RTKN2: variants seen among roughly 807,000 people sequenced by gnomAD.
RTKN2 encodes the protein rhotekin 2.
Under a neutral mutation model 71.5 loss-of-function variants are expected in RTKN2, and 69 were observed. The observed-to-expected ratio is 0.96, with a 90% CI of 0.79 to 1.18. The LOEUF (loss-of-function observed/expected upper bound fraction) is 1.18. RTKN2 is among the 50% of genes most tolerant of loss of function. The pLI is 0.00. For synonymous variants in RTKN2, 236 were observed against 236.5 expected (o/e 1.00, Z 0.02); for missense variants, 724 against 719.7 (o/e 1.01, Z -0.07).
Position 62,196,403 on chromosome 10 carries a change from T to A in RTKN2, c.*1505A>T, listed in dbSNP as rs1021529852. ...ACCAGTCACAAGAAACCTTTTGTTA[T>A]CATTACTCCCTCAAGATTCAATTCT... On this transcript the variant is annotated 3_prime_UTR_variant, in exon 12 of 12. Coordinates refer to ENST00000373789, the MANE Select transcript of RTKN2 (RefSeq NM_145307.4). 3 of 985,226 alleles carry A rather than the reference T, an allele frequency of 3.0e-6. No individual in the cohort carries two copies. The African/African-American group carries it at 5.2e-5, about 17-fold the overall frequency. 61.0% of individuals were successfully genotyped at this position (985,226 alleles called of 1,614,324 possible). A position where few individuals can be genotyped will look rare whatever the true frequency, so the allele number is the denominator to read the frequency against.
At chr10:62,262,175 G>T (rs1346206252) in intron 2 of RTKN2, among the ~76,000 whole-genome samples, 2 of 152,182 alleles carry the variant, frequency 1.3e-5, no homozygotes, top group African/African-American at 2.4e-5. Context: ...CATATCAAGA[G>T]ATGGGCTAGC....
At chr10:62,241,620 T>C (rs1362095405) in intron 3 of RTKN2, among the ~76,000 whole-genome samples, 1 of 152,128 alleles carries the variant, frequency 6.6e-6, no homozygotes, top group African/African-American at 2.4e-5. Flanking sequence ...GCTCTGTTGC[T>C]CAGGCTGGAG....
At position 62,239,674 on chromosome 10, in the gene RTKN2, A is replaced by G; in HGVS notation, c.462T>C (p.Asp154=). Residue 154 remains aspartate (D), a synonymous_variant, in exon 5 of 12, where the codon GAT becomes GAC. Coordinates refer to ENST00000373789, the MANE Select transcript of RTKN2 (RefSeq NM_145307.4). ...ATATGGTTACATTTTCAAAACATAT[A>G]TCTGTGATTGTTTTATCCACATTCA... is the stretch of plus-strand genomic sequence containing the variant. The part of the protein sequence containing the change: ...DVVNVDKTIT[D]ICFENVTIFN... 2.0e-6 allele frequency: 3 copies of G among 1,519,160 alleles called. No individual in the cohort carries two copies. The highest frequency in any genetic ancestry group is 2.7e-6 in the Non-Finnish European group (3 of 1,110,058). The allele number at this position is 1,519,160 out of a possible 1,614,324, so 94.1% of individuals were successfully genotyped here. A position where few individuals can be genotyped will look rare whatever the true frequency, so the allele number is the denominator to read the frequency against.
intron 6 of RTKN2, among the ~76,000 whole-genome samples, chr10:62,234,303 T>C (rs570980069): frequency 1.3e-5 from 2 of 152,096 alleles, no homozygotes; most frequent in East Asian, 1.9e-4. Flanking sequence ...GGCAAGCGGA[T>C]TGCTTGAGCC....
intron 5 of RTKN2, chr10:62,239,376 T>G: frequency 4.3e-6 from 1 of 233,822 alleles, no homozygotes; most frequent in East Asian, 1.1e-4. Context: ...ACTATATTTA[T>G]TAACAATTTA....
Position 62,196,301 on chromosome 10 carries a change from A to G in RTKN2, c.*1607T>C. The stretch of plus-strand genomic sequence containing the variant: ...AGTTTACTTTTTAAGGTTTCCATAC[A>G]TGTGATGATCTCTACATGCTATCAA... On this transcript the variant is annotated 3_prime_UTR_variant, in exon 12 of 12. Transcript: ENST00000373789. The G allele has an allele frequency of 1.0e-6, 1 of 983,912 alleles. No homozygotes were observed. Among genetic ancestry groups the G allele is most frequent in the African/African-American group, 1.7e-5 (1 of 57,318 alleles). The allele number at this position is 983,912 out of a possible 1,614,324, so 60.9% of individuals were successfully genotyped here.
At chr10:62,219,586 T>C (rs1354150969) in intron 7 of RTKN2, among the ~76,000 whole-genome samples, 1 of 152,104 alleles carries the variant, frequency 6.6e-6, no homozygotes, top group Admixed American at 6.5e-5. Flanking sequence ...AAATATGTAT[T>C]AATACATTTT....
intron 8 of RTKN2, among the ~76,000 whole-genome samples, chr10:62,185,540 C>T (rs113595153): frequency 1.1e-3 from 164 of 152,168 alleles, no homozygotes; most frequent in African/African-American, 3.8e-3. Context: ...CGCTTGAACC[C>T]GGGAGGTGGA....
intron 3 of RTKN2, among the ~76,000 whole-genome samples, chr10:62,243,495 A>G (rs921583458): frequency 6.6e-6 from 1 of 151,888 alleles, no homozygotes; most frequent in East Asian, 1.9e-4. Context: ...TTACACTATC[A>G]TGGGAGGGAC....
At chr10:62,255,525 T>C (rs1435085163) in intron 2 of RTKN2, among the ~76,000 whole-genome samples, 1 of 152,214 alleles carries the variant, frequency 6.6e-6, no homozygotes, top group Non-Finnish European at 1.5e-5. Flanking sequence ...TTGTCCTTCT[T>C]TATAGAAGAG....
chr10:62,229,174 A>G (rs188128182), intron 6 of RTKN2, among the ~76,000 whole-genome samples: 66 of 152,342 alleles, frequency 4.3e-4, no homozygotes, highest in African/African-American at 1.5e-3. Context: ...ACAAAAGAAG[A>G]GAGATGCTAG....
downstream of RTKN2, among the ~76,000 whole-genome samples, chr10:62,189,592 G>A (rs1190053144): frequency 1.3e-5 from 2 of 152,170 alleles, no homozygotes; most frequent in Non-Finnish European, 2.9e-5. Flanking sequence ...TTGGAAGGCT[G>A]AGGCGGGCAG....
intron 10 of RTKN2, 60 bp downstream of exon 10, chr10:62,204,797 T>C (rs1189755023): frequency 1.6e-6 from 2 of 1,275,456 alleles, no homozygotes; most frequent in African/African-American, 3.1e-5. Context: ...TTAAGATTGC[T>C]GTGCACATCC....
chr10:62,217,343 T>C (rs1240634188), intron 8 of RTKN2, 94 bp from the exon 9 acceptor site: 12 of 873,074 alleles, frequency 1.4e-5, no homozygotes, highest in Non-Finnish European at 2.0e-5. Context: ...AAATTAGTTA[T>C]TTAGAATTTT....
In RTKN2 at chr10:62,231,638, T is replaced by C. The variant is rs2132957956; in HGVS notation, c.686+4428A>G. ...GTTTAATCAGCTACATTTTTTTTTC[T>C]ATCAAATAGGGCAATTGTTACAACA... On this transcript the variant is annotated intron_variant, in intron 6 of 11. Coordinates refer to ENST00000373789, the MANE Select transcript of RTKN2 (RefSeq NM_145307.4). 2.0e-5 allele frequency among the ~76,000 whole-genome samples: 3 copies of C among 152,220 alleles called. 1 individual carries two copies. In the South Asian group the frequency reaches 6.2e-4, roughly 32 times the overall value.
chr10:62,242,225 CCTTA>C (rs1047468544), intron 3 of RTKN2, among the ~76,000 whole-genome samples: 12 of 151,942 alleles, frequency 7.9e-5, no homozygotes. Context: ...TTTGAAAACA[CCTTA>C]CTCTTACTTG....
chr10:62,222,304 G>T (rs1035231070), intron 7 of RTKN2, among the ~76,000 whole-genome samples: 4 of 151,682 alleles, frequency 2.6e-5, no homozygotes, highest in African/African-American at 9.7e-5. Context: ...TAGAGATAGG[G>T]TCTCACTATG....
At position 62,262,926 on chromosome 10, in the gene RTKN2, G is replaced by A. The variant is rs1405358791; in HGVS notation, c.61-105C>T. On this transcript the variant is annotated intron_variant, in intron 1 of 11. Transcript: ENST00000373789. The stretch of plus-strand genomic sequence containing the variant: ...CATAATTGTATACCATATTGAGAAA[G>A]CAACAAAGTTTTAATATATGTAGTG... 1.3e-5 allele frequency: 8 copies of A among 632,072 alleles called. No individual in the cohort carries two copies. In the African/African-American group the frequency reaches 1.3e-4, roughly 10 times the overall value. 39.2% of individuals were successfully genotyped at this position (632,072 alleles called of 1,614,324 possible). A position where few individuals can be genotyped will look rare whatever the true frequency, so the allele number is the denominator to read the frequency against.
chr10:62,204,916 T>A lies in RTKN2; in HGVS notation c.1127A>T (p.Asp376Val). 6.2e-7 allele frequency: 1 copy of A among 1,602,116 alleles called. No homozygotes were observed. Among genetic ancestry groups the A allele is most frequent in the Non-Finnish European group, 8.5e-7 (1 of 1,176,028 alleles). The change falls in exon 10 of 12, where the codon GAC becomes GTC. Residue 376 changes from aspartate to valine, a missense_variant. Transcript: ENST00000373789. Reference protein sequence around the residue: ...GQAITQIFAVDNREDLQKWME... With the variant: ...GQAITQIFAVVNREDLQKWME... ...CCACTTCTGAAGATCTTCTCTATTG[T>A]CAACTGCAAAAATCTGAGTTATAGC... is the stretch of plus-strand genomic sequence containing the variant.
Sources: gnomAD v4.1 joint callset for allele counts (sites outside exome capture counted in the v4.1 genomes callset) on GRCh38, gnomAD v4.1.1 for gene constraint, MANE v1.5 for transcripts, NCBI Gene and HGNC (gene_info 2026-07-23, HGNC 2026-07-21) for gene names.